The following SPAG16 variants were observed in gnomAD, a reference collection of about 807,000 sequenced individuals.
SPAG16 encodes the protein sperm-associated antigen 16 protein.
In SPAG16, 86 loss-of-function variants were observed where a neutral mutation model predicts 80.4. The ratio of observed to expected loss-of-function variants is 1.07; its 90% CI spans 0.90 to 1.28. The LOEUF (loss-of-function observed/expected upper bound fraction) is 1.28. Ranked by LOEUF, SPAG16 falls within the 50% of genes most tolerant of loss-of-function variation. SPAG16 has a pLI of 0.00. For synonymous variants in SPAG16, 294 were observed against 265.9 expected, an observed-to-expected ratio of 1.11 and a Z score of -1.03; for missense variants, 870 against 765.3, an observed-to-expected ratio of 1.14 and a Z score of -1.61.
At chr2:213,839,630 T>C (rs2074270004) in intron 10 of SPAG16, among the ~76,000 whole-genome samples, 1 of 152,184 alleles carries the variant, frequency 6.6e-6, no homozygotes, top group Non-Finnish European at 1.5e-5. Context: ...TTTTTTAAAT[T>C]ATGGAATGAT....
At position 214,235,897 on chromosome 2, in the gene SPAG16, A is replaced by G. The variant is rs1375542221; in HGVS notation, c.1720+86631A>G. 2.0e-5 allele frequency among the ~76,000 whole-genome samples: 3 copies of G among 152,298 alleles called. No homozygotes were observed. The East Asian group carries it at 5.8e-4, about 29-fold the overall frequency. On this transcript the variant is annotated intron_variant, in intron 15 of 15. Transcript: ENST00000331683. ...CATTTCATTCTACAACCAGTAGTAC[A>G]ATTAGAATTTGTGTCTATCTCTTAG...
intron 9 of SPAG16, among the ~76,000 whole-genome samples, chr2:213,489,112 A>G (rs2125723032): frequency 6.6e-6 from 1 of 151,870 alleles, no homozygotes; most frequent in Non-Finnish European, 1.5e-5. Context: ...TTTCATGCCT[A>G]AAATAATGTT....
intron 15 of SPAG16, chr2:214,241,005 G>C (rs1455823653): frequency 2.0e-5 from 3 of 151,998 alleles, no homozygotes; most frequent in Admixed American, 6.6e-5. Flanking sequence ...GGTAGGTATA[G>C]ATAATTTATT....
intron 10 of SPAG16, among the ~76,000 whole-genome samples, chr2:213,733,540 C>T (rs1488571562): frequency 7.5e-6 from 1 of 133,920 alleles, no homozygotes; most frequent in Non-Finnish European, 1.5e-5. Context: ...TTCATGAGAA[C>T]ATCGTGGGGA....
chr2:214,088,900 A>G (rs73987154), intron 13 of SPAG16, among the ~76,000 whole-genome samples: 2,881 of 152,236 alleles, frequency 0.019, 96 homozygotes, highest in African/African-American at 0.066. Flanking sequence ...TATGGGAAAG[A>G]AAATGAAAGA....
At chr2:213,930,922 G>T (rs555435208) in intron 12 of SPAG16, among the ~76,000 whole-genome samples, 1 of 152,276 alleles carries the variant, frequency 6.6e-6, no homozygotes, top group African/African-American at 2.4e-5. Context: ...ATCCACCAGA[G>T]GAACACCCAT....
At chr2:214,077,101 G>T (rs1158333182) in intron 13 of SPAG16, among the ~76,000 whole-genome samples, 1 of 152,158 alleles carries the variant, frequency 6.6e-6, no homozygotes, top group African/African-American at 2.4e-5. Context: ...CTTATAATCT[G>T]ATGATACAGA....
chr2:214,157,979 G>C (rs532205253), intron 15 of SPAG16, among the ~76,000 whole-genome samples: 2 of 151,824 alleles, frequency 1.3e-5, no homozygotes, highest in Admixed American at 1.3e-4. Flanking sequence ...CAGAAACATC[G>C]AGAAATTATT....
intron 11 of SPAG16, among the ~76,000 whole-genome samples, chr2:213,911,220 A>C (rs1244779744): frequency 6.6e-6 from 1 of 152,224 alleles, no homozygotes; most frequent in Non-Finnish European, 1.5e-5. Flanking sequence ...ATCACAGCTC[A>C]CTGCAACTTC....
chr2:213,414,197 ACCT>A (rs2069132851), intron 9 of SPAG16, among the ~76,000 whole-genome samples: 2 of 152,072 alleles, frequency 1.3e-5, no homozygotes, highest in Non-Finnish European at 2.9e-5. Context: ...AATTAACTAC[ACCT>A]CCTGCTATTC....
intron 15 of SPAG16, among the ~76,000 whole-genome samples, chr2:214,293,148 C>T (rs192831889): frequency 1.1e-3 from 162 of 152,302 alleles, no homozygotes; most frequent in Non-Finnish European, 2.1e-3. Context: ...AGATGGCTTT[C>T]TCAGATGCCA....
At chr2:214,409,808 G>A (rs1702198386) in intron 15 of SPAG16, among the ~76,000 whole-genome samples, 1 of 152,124 alleles carries the variant, frequency 6.6e-6, no homozygotes, top group Non-Finnish European at 1.5e-5. Flanking sequence ...AAGTTGCCTT[G>A]CATAGTTGCT....
intron 10 of SPAG16, among the ~76,000 whole-genome samples, chr2:213,836,559 G>A (rs987948781): frequency 1.9e-4 from 29 of 151,862 alleles, no homozygotes; most frequent in African/African-American, 6.0e-4. Flanking sequence ...TTGCCTTTTA[G>A]CAACCCTGAT....
At chr2:213,423,588 C>G (rs1464349105) in intron 9 of SPAG16, among the ~76,000 whole-genome samples, 3 of 152,156 alleles carry the variant, frequency 2.0e-5, no homozygotes, top group Middle Eastern at 6.3e-3. Flanking sequence ...GTGAATCTTA[C>G]TGTTTCAGAC....
intron 15 of SPAG16, among the ~76,000 whole-genome samples, chr2:214,302,124 T>A (rs1161443888): frequency 6.6e-6 from 1 of 152,236 alleles, no homozygotes; most frequent in Non-Finnish European, 1.5e-5. Flanking sequence ...CCAATTTTAT[T>A]CCACTATGTT....
At chr2:213,294,805 G>A (rs1382587811) in intron 1 of SPAG16, among the ~76,000 whole-genome samples, 3 of 152,120 alleles carry the variant, frequency 2.0e-5, no homozygotes, top group African/African-American at 7.2e-5. Flanking sequence ...ATGTAGCACA[G>A]AAAACCCACA....
chr2:213,410,827 C>T (rs1022502002), intron 9 of SPAG16, among the ~76,000 whole-genome samples: 2 of 152,142 alleles, frequency 1.3e-5, no homozygotes, highest in Non-Finnish European at 2.9e-5. Flanking sequence ...AGCTCTTTTC[C>T]AGGATTCTAC....
intron 11 of SPAG16, among the ~76,000 whole-genome samples, chr2:213,889,788 A>G (rs2106072268): frequency 6.6e-6 from 1 of 151,242 alleles, no homozygotes; most frequent in Admixed American, 6.6e-5. Flanking sequence ...ACCACATCTG[A>G]CAAGTTGAGA....
intron 15 of SPAG16, among the ~76,000 whole-genome samples, chr2:214,159,146 G>A (rs1382722479): frequency 6.6e-6 from 1 of 151,800 alleles, no homozygotes; most frequent in Non-Finnish European, 1.5e-5. Context: ...TGTATAGGCT[G>A]GCATAGGTCA....
Sources: allele counts gnomAD v4.1 joint callset (sites outside exome capture counted in the v4.1 genomes callset), GRCh38; gene constraint gnomAD v4.1.1; transcripts MANE v1.5; gene names NCBI Gene and HGNC (gene_info 2026-07-23, HGNC 2026-07-21).